Variants in KIF13A observed in about 807,000 individuals in gnomAD.
The protein encoded by KIF13A is kinesin-like protein KIF13A.
KIF13A carries 79 observed loss-of-function variants against 212.2 expected under a neutral mutation model. The ratio of observed to expected loss-of-function variants is 0.37; its 90% CI spans 0.31 to 0.45. The LOEUF (loss-of-function observed/expected upper bound fraction) is 0.45. KIF13A is among the 20% of genes least tolerant of loss of function. The pLI is 1.00. For missense variants in KIF13A, 1,901 were observed against 2,209.0 expected (o/e 0.86, Z 2.79); for synonymous variants, 789 against 808.6 (o/e 0.98, Z 0.41).
At chr6:17,881,522 C>T (rs1410317738) in intron 3 of KIF13A, 1 of 431,504 alleles carries the variant, frequency 2.3e-6, no homozygotes, top group Non-Finnish European at 4.5e-6. Flanking sequence ...TATGGTGAAA[C>T]CCTGTCTCTA....
In KIF13A at chr6:17,872,174, C is replaced by T. The variant is rs898000032; in HGVS notation, c.220+1203G>A. ...AATTCTCCTAGTCCAAGATTGTTAACTCTTGAAAAAATTATGTTATCAAAC... is the reference window on the plus strand; with the variant it reads ...AATTCTCCTAGTCCAAGATTGTTAATTCTTGAAAAAATTATGTTATCAAAC... On this transcript the variant is annotated intron_variant, in intron 4 of 38. Coordinates refer to ENST00000259711, the MANE Select transcript of KIF13A (RefSeq NM_022113.6). The surrounding 1 kb of genome is among the most constrained non-coding windows in gnomAD (Gnocchi z 4.7). 4.1e-4 allele frequency among the ~76,000 whole-genome samples: 63 copies of T among 152,196 alleles called. No homozygotes were observed. Among genetic ancestry groups the T allele is most frequent in the African/African-American group, 1.5e-3 (61 of 41,446 alleles).
chr6:17,761,934 A>G (rs1347493065), downstream of KIF13A, among the ~76,000 whole-genome samples: 1 of 151,974 alleles, frequency 6.6e-6, no homozygotes. Flanking sequence ...CTATTACTCT[A>G]TGGGGATGCG....
chr6:17,893,973 G>A (rs1414660541), intron 3 of KIF13A, among the ~76,000 whole-genome samples: 2 of 150,970 alleles, frequency 1.3e-5, no homozygotes, highest in Non-Finnish European at 2.9e-5. Context: ...CCAAGTAACT[G>A]GGACTACAGG....
At chr6:17,793,100 G>A (rs76511144) in intron 25 of KIF13A, among the ~76,000 whole-genome samples, 1 of 151,116 alleles carries the variant, frequency 6.6e-6, no homozygotes, top group Non-Finnish European at 1.5e-5. Context: ...TATTTTTTTT[G>A]AGACAGCCTT....
intron 16 of KIF13A, among the ~76,000 whole-genome samples, chr6:17,819,201 G>A (rs557268272): frequency 1.1e-4 from 17 of 151,758 alleles, no homozygotes; most frequent in Admixed American, 4.6e-4. Flanking sequence ...GGGTTTCACC[G>A]TGTTAGCCAG....
rs754775970 is a variant in KIF13A, at chr6:17,898,154, A to G, written c.159+14T>C. ...TAAGCCAGTATACATGCCAAATTTCATATTAGTGCTTACCTTGGGAGGTTT... is the reference window on the plus strand; with the variant it reads ...TAAGCCAGTATACATGCCAAATTTCGTATTAGTGCTTACCTTGGGAGGTTT... On this transcript the variant is annotated intron_variant, in intron 3 of 38. Transcript: ENST00000259711. This position sits in a 1 kb window ranked among gnomAD's most constrained non-coding sequence, Gnocchi z 5.2. 2.5e-5 allele frequency: 41 copies of G among 1,612,606 alleles called. No individual in the cohort carries two copies. The highest frequency in any genetic ancestry group is 3.1e-5 in the Non-Finnish European group (36 of 1,179,182).
chr6:17,935,237 C>A (rs1232708095), intron 2 of KIF13A, among the ~76,000 whole-genome samples: 2 of 152,178 alleles, frequency 1.3e-5, no homozygotes, highest in Admixed American at 1.3e-4. Context: ...GGAAGAAACA[C>A]TGTCCTTGGC....
intron 29 of KIF13A, among the ~76,000 whole-genome samples, chr6:17,782,434 A>G (rs1760681690): frequency 6.6e-6 from 1 of 151,874 alleles, no homozygotes; most frequent in South Asian, 2.1e-4. Flanking sequence ...TCAGGAGTGC[A>G]AGACAAGCCT....
intron 2 of KIF13A, among the ~76,000 whole-genome samples, chr6:17,927,303 G>C (rs1453471234): frequency 6.6e-6 from 1 of 152,068 alleles, no homozygotes; most frequent in Non-Finnish European, 1.5e-5. Flanking sequence ...AACAAAATGG[G>C]GTATATACTA....
intron 2 of KIF13A, chr6:17,950,320 G>C: frequency 6.5e-6 from 5 of 768,840 alleles, no homozygotes; most frequent in Non-Finnish European, 7.9e-6. Flanking sequence ...AAACAAACCA[G>C]AAGGGATTTA....
In KIF13A at chr6:17,809,157, T is replaced by C. The variant is rs1581374652; in HGVS notation, c.2001-227A>G. On this transcript the variant is annotated intron_variant, in intron 17 of 38. Transcript: ENST00000259711. This position sits in a 1 kb window ranked among gnomAD's most constrained non-coding sequence, Gnocchi z 4.7. The stretch of plus-strand genomic sequence containing the variant: ...GAGCAACTTAACTGAAAACCACGTT[T>C]TAAATTATGTAACACGTGAAAACGA... Among the ~76,000 whole-genome samples, 1 of 152,128 alleles carries C rather than the reference T, an allele frequency of 6.6e-6. No homozygotes were observed. The highest frequency in any genetic ancestry group is 2.4e-5 in the African/African-American group (1 of 41,428).
In KIF13A at chr6:17,883,102, A is replaced by G. The variant is rs1771228254; in HGVS notation, c.160-9665T>C. Among the ~76,000 whole-genome samples the G allele has an allele frequency of 6.6e-6, 1 of 152,184 alleles. No individual in the cohort carries two copies. The highest frequency in any genetic ancestry group is 1.5e-5 in the Non-Finnish European group (1 of 68,030). On this transcript the variant is annotated intron_variant, in intron 3 of 38. Transcript: ENST00000259711. This position sits in a 1 kb window ranked among gnomAD's most constrained non-coding sequence, Gnocchi z 4.8. ...TTGCTGGGTATGGTGGCTCATGCCTATAATCCCAGTGTTTTGAGAGGCTGA... is the reference window on the plus strand; with the variant it reads ...TTGCTGGGTATGGTGGCTCATGCCTGTAATCCCAGTGTTTTGAGAGGCTGA...
chr6:17,783,599 A>T lies in KIF13A; in HGVS notation c.3544+47T>A, dbSNP rs760400925. On this transcript the variant is annotated intron_variant, in intron 29 of 38. Transcript: ENST00000259711. The surrounding 1 kb of genome is among the most constrained non-coding windows in gnomAD (Gnocchi z 4.3). Reference sequence around the variant, plus strand: ...TAATGTGAATCTGGATAGATTACAAACCTTAGTTAAATACAATAATCCCTG... The same window carrying T: ...TAATGTGAATCTGGATAGATTACAATCCTTAGTTAAATACAATAATCCCTG... 9 of 1,202,426 alleles carry T rather than the reference A, an allele frequency of 7.5e-6. No homozygotes were observed. In the South Asian group the frequency reaches 1.2e-4, roughly 16 times the overall value. 74.5% of individuals were successfully genotyped at this position (1,202,426 alleles called of 1,614,324 possible).
chr6:17,816,208 G>A lies in KIF13A; in HGVS notation c.2000+812C>T, dbSNP rs1028765849. ...GCTGGGATTACAGGCCTGAGCCACC[G>A]CACCTGGCCTGAGTCAGGTCAGGTT... On this transcript the variant is annotated intron_variant, in intron 17 of 38. Transcript: ENST00000259711. The surrounding 1 kb of genome is among the most constrained non-coding windows in gnomAD (Gnocchi z 4.3). Among the ~76,000 whole-genome samples the A allele has an allele frequency of 3.3e-5, 5 of 150,134 alleles. No homozygotes were observed. Among genetic ancestry groups the A allele is most frequent in the South Asian group, 4.2e-4 (2 of 4,742 alleles).
intron 12 of KIF13A, 117 bp from the exon 13 acceptor site, chr6:17,831,352 C>A: frequency 8.9e-7 from 1 of 1,129,014 alleles, no homozygotes. Context: ...ATTACACATG[C>A]TACTCTGCTC....
rs944946573 is a variant in KIF13A, at chr6:17,980,040, AT to A, written c.146+7013del. Among the ~76,000 whole-genome samples the A allele has an allele frequency of 2.6e-4, 40 of 151,730 alleles. No individual in the cohort carries two copies. The East Asian group carries it at 5.8e-3, about 22-fold the overall frequency. Reference sequence around the variant, plus strand: ...GTCTTATTAATGAACTAATTCAATAATTTTTTTTTCAGAACTGAAAGACAGG... The same window carrying A: ...GTCTTATTAATGAACTAATTCAATAATTTTTTTTCAGAACTGAAAGACAGG... On this transcript the variant is annotated intron_variant, in intron 2 of 38. Coordinates refer to ENST00000259711, the MANE Select transcript of KIF13A (RefSeq NM_022113.6).
chr6:17,943,061 C>G (rs1199357859), intron 2 of KIF13A, among the ~76,000 whole-genome samples: 2 of 152,080 alleles, frequency 1.3e-5, no homozygotes, highest in Non-Finnish European at 2.9e-5. Flanking sequence ...GTACTTATAC[C>G]TTTAAACGTT....
At chr6:17,949,719 G>A (rs1281383900) in intron 2 of KIF13A, among the ~76,000 whole-genome samples, 3 of 151,862 alleles carry the variant, frequency 2.0e-5, no homozygotes, top group African/African-American at 7.3e-5. Context: ...TTAATGTCAG[G>A]GGGTTCACTG....
At chr6:17,761,009 T>C (rs1758559708), downstream of KIF13A, 1 of 823,868 alleles carries the variant, frequency 1.2e-6, no homozygotes, top group South Asian at 1.7e-5. Flanking sequence ...ACAGGATTGG[T>C]TTTATTATGG....
Sources: allele counts gnomAD v4.1 joint callset (sites outside exome capture counted in the v4.1 genomes callset), GRCh38; gene constraint gnomAD v4.1.1; non-coding constraint Gnocchi (gnomAD v3.1); transcripts MANE v1.5; gene names NCBI Gene and HGNC (gene_info 2026-07-23, HGNC 2026-07-21).